The following ANO1 variants were observed in gnomAD, a reference collection of about 807,000 sequenced individuals.
The protein encoded by ANO1 is anoctamin-1.
Under a neutral mutation model 124.0 loss-of-function variants are expected in ANO1, and 59 were observed. The ratio of observed to expected loss-of-function variants is 0.48; its 90% CI spans 0.39 to 0.59. ANO1 has a LOEUF of 0.59. ANO1 is among the 20% of genes least tolerant of loss of function. The pLI is 0.00. For synonymous variants in ANO1, 529 were observed against 532.0 expected (o/e 0.99, Z 0.08); for missense variants, 1,059 against 1,328.0 (o/e 0.80, Z 3.15).
At chr11:69,970,651 G>A in the ANO1 span, among the ~76,000 whole-genome samples, 2 of 152,182 alleles carry the variant, frequency 1.3e-5, no homozygotes, top group Non-Finnish European at 2.9e-5. Flanking sequence ...GGCCTCGCAG[G>A]GAGTGGGGAC....
Position 70,068,350 on chromosome 11 carries a change from C to T in ANO1, c.59-10192C>T, listed in dbSNP as rs17160584. On this transcript the variant is annotated intron_variant, in intron 1 of 27. Coordinates refer to the ANO1 transcript ENST00000531349. ...GGCGGGTGCTAGAATCTGTGGACAC[C>T]GACAAAGGACATTAGCTCATTTGTT... 1.2e-3 allele frequency among the ~76,000 whole-genome samples: 183 copies of T among 152,252 alleles called. 1 individual carries two copies. The highest frequency in any genetic ancestry group is 4.1e-3 in the African/African-American group (171 of 41,536).
intron 1 of ANO1, among the ~76,000 whole-genome samples, chr11:70,083,405 A>AG (rs2044259631): frequency 6.6e-6 from 1 of 152,038 alleles, no homozygotes; most frequent in Non-Finnish European, 1.5e-5. Flanking sequence ...CACAGGTAGG[A>AG]GGATGCCCAC....
intron 1 of ANO1, chr11:70,016,465 T>A (rs1203158862): frequency 6.6e-5 from 10 of 152,288 alleles, no homozygotes; most frequent in Admixed American, 6.5e-4. Context: ...GAAGAGAAGA[T>A]GAGGTGGTCC....
At chr11:70,066,332 G>A (rs1555008580) in intron 1 of ANO1, among the ~76,000 whole-genome samples, 1 of 152,108 alleles carries the variant, frequency 6.6e-6, no homozygotes, top group Non-Finnish European at 1.5e-5. Context: ...CCCCATGCTT[G>A]GTGTTTGGGG....
rs79256993 is a variant in ANO1 at position 70,010,167 on chromosome 11, G to A, written c.58+24001G>A. On this transcript the variant is annotated intron_variant, in intron 1 of 27. Transcript: ENST00000531349. ...TGTGTGTGTGTGTGTGTGTGTGTGC[G>A]CGTGTGTGTGTGTATATATATATAT... 1.4e-3 allele frequency among the ~76,000 whole-genome samples: 29 copies of A among 21,014 alleles called. 2 individuals carry two copies. Among genetic ancestry groups the A allele is most frequent in the Non-Finnish European group, 2.8e-3 (26 of 9,428 alleles). The allele number at this position is 21,014 out of a possible 152,430, so 13.8% of individuals were successfully genotyped here.
chr11:70,139,661 G>C (rs1301513078), intron 11 of ANO1, among the ~76,000 whole-genome samples: 1 of 152,174 alleles, frequency 6.6e-6, no homozygotes, highest in Non-Finnish European at 1.5e-5. Flanking sequence ...CCATTGATGG[G>C]CATCTTTGTT....
At chr11:70,127,180 T>A (rs2046557265) in intron 10 of ANO1, among the ~76,000 whole-genome samples, 1 of 151,500 alleles carries the variant, frequency 6.6e-6, no homozygotes, top group African/African-American at 2.4e-5. Flanking sequence ...TTGCAGGAAG[T>A]GAGACATGAA....
Position 70,149,736 on chromosome 11 carries a change from C to T in ANO1, c.1285C>T (p.Arg429Trp), listed in dbSNP as rs1014547794. ...WAATFMEHWKRKQMRLNYRWD... is the reference protein window; with the variant it reads ...WAATFMEHWKWKQMRLNYRWD... ...TGCCACCTTCATGGAGCACTGGAAGCGGAAACAGATGCGACTCAACTACCG... is the reference window on the plus strand; with the variant it reads ...TGCCACCTTCATGGAGCACTGGAAGTGGAAACAGATGCGACTCAACTACCG... Residue 429 changes from arginine to tryptophan, a missense_variant, in exon 12 of 26, where the codon CGG becomes TGG. By Grantham distance (101) the Arg-to-Trp change is moderately radical. Around this residue, in one of 2 missense-constraint regions of ANO1, gnomAD observed 809 missense variants for 1,094.9 expected, o/e 0.74. Transcript: ENST00000355303. 14 of 1,613,636 alleles carry T rather than the reference C, an allele frequency of 8.7e-6. No individual in the cohort carries two copies. Among genetic ancestry groups the T allele is most frequent in the Middle Eastern group, 1.7e-4 (1 of 6,058 alleles).
chr11:69,972,460 C>T, the ANO1 span, among the ~76,000 whole-genome samples: 1 of 152,050 alleles, frequency 6.6e-6, no homozygotes, highest in African/African-American at 2.4e-5. Context: ...TGCAACGCCT[C>T]GTTTCCTGGG....
intron 1 of ANO1, among the ~76,000 whole-genome samples, chr11:70,028,969 A>T (rs1591044549): frequency 6.6e-6 from 1 of 152,048 alleles, no homozygotes; most frequent in East Asian, 1.9e-4. Flanking sequence ...TTTAGTAGAG[A>T]TGGGATTTCA....
chr11:70,170,862 G>A (rs1308086725), intron 21 of ANO1, 25 bp from the exon 22 acceptor site: 1 of 1,610,148 alleles, frequency 6.2e-7, no homozygotes, highest in African/African-American at 1.3e-5. Context: ...ACGGGGTGCT[G>A]ACTAGCACTG....
intron 1 of ANO1, among the ~76,000 whole-genome samples, chr11:70,035,504 G>A (rs1264220428): frequency 6.9e-6 from 1 of 144,614 alleles, no homozygotes; most frequent in African/African-American, 2.6e-5. Context: ...TTAACTGGTA[G>A]CCCAGTAAGC....
intron 1 of ANO1, among the ~76,000 whole-genome samples, chr11:70,061,546 A>T (rs1445012145): frequency 7.5e-6 from 1 of 133,006 alleles, no homozygotes; most frequent in Non-Finnish European, 1.5e-5. Context: ...CAGAATGTTG[A>T]GCTTATTTCT....
chr11:70,095,449 A>G (rs547255238), intron 2 of ANO1, among the ~76,000 whole-genome samples: 1 of 149,328 alleles, frequency 6.7e-6, no homozygotes, highest in East Asian at 2.0e-4. Flanking sequence ...AGAAAGAGGG[A>G]AAGAAAATTC....
At chr11:70,157,145 T>A (rs1351698951) in intron 16 of ANO1, 124 bp downstream of exon 16, 11 of 779,834 alleles carry the variant, frequency 1.4e-5, no homozygotes, top group Non-Finnish European at 2.3e-5. Flanking sequence ...GGCGGGCAGA[T>A]CACTTGAGGT....
intron 1 of ANO1, chr11:70,014,758 A>G (rs1856669884): frequency 6.6e-6 from 1 of 151,684 alleles, no homozygotes; most frequent in African/African-American, 2.4e-5. Context: ...TGATGCTCCC[A>G]CAGCCCTGCA....
intron 1 of ANO1, among the ~76,000 whole-genome samples, chr11:70,027,786 C>T (rs1430173835): frequency 1.3e-5 from 2 of 152,160 alleles, no homozygotes; most frequent in African/African-American, 2.4e-5. Flanking sequence ...GGGTGGAACA[C>T]GCCCTTCTTG....
intron 1 of ANO1, among the ~76,000 whole-genome samples, chr11:70,012,476 A>G (rs370861313): frequency 5.3e-5 from 8 of 150,890 alleles, no homozygotes; most frequent in African/African-American, 2.0e-4. Context: ...AAATTCATCT[A>G]TCCATTTGTA....
chr11:70,108,500 G>T (rs2045648055), intron 6 of ANO1, 96 bp downstream of exon 6: 2 of 1,372,394 alleles, frequency 1.5e-6, no homozygotes, highest in African/African-American at 1.4e-5. Context: ...CCGGCTTGGG[G>T]TGTTTAAGAG....
Sources: gnomAD v4.1 joint callset for allele counts (sites outside exome capture counted in the v4.1 genomes callset) on GRCh38, gnomAD v4.1.1 for gene constraint, gnomAD v4.1.1 regional missense constraint, MANE v1.5 for transcripts, NCBI Gene and HGNC (gene_info 2026-07-23, HGNC 2026-07-21) for gene names.